Variants in FHL5 observed in about 807,000 individuals in gnomAD.
FHL5 encodes the protein four and a half LIM domains 5.
Under a neutral mutation model 32.0 loss-of-function variants are expected in FHL5, and 33 were observed. The ratio of observed to expected loss-of-function variants is 1.03; its 90% CI spans 0.78 to 1.38. The LOEUF is 1.38. FHL5 is among the 40% of genes most tolerant of loss of function. The pLI is 0.00. For missense variants in FHL5, 336 were observed against 343.9 expected, an observed-to-expected ratio of 0.98 and a Z score of 0.18; for synonymous variants, 114 against 113.6, an observed-to-expected ratio of 1.00 and a Z score of -0.02.
At position 96,610,902 on chromosome 6, in the gene FHL5, T is replaced by A. The variant is rs191924725; in HGVS notation, c.691+144T>A. ...TGAGATAAACACAAGTGGGTGCATA[T>A]ATATGAGTATAAATATTACATGGAT... is the stretch of plus-strand genomic sequence containing the variant. On this transcript the variant is annotated intron_variant, in intron 5 of 5. Coordinates refer to ENST00000450218, the MANE Select transcript of FHL5 (RefSeq NM_001322466.2). 26 of 614,074 alleles carry A rather than the reference T, an allele frequency of 4.2e-5. No individual in the cohort carries two copies. In the East Asian group the frequency reaches 6.2e-4, roughly 15 times the overall value. The allele number at this position is 614,074 out of a possible 1,614,324, so 38.0% of individuals were successfully genotyped here. A position where few individuals can be genotyped will look rare whatever the true frequency, so the allele number is the denominator to read the frequency against.
At chr6:96,587,780 T>C (rs9386648) in intron 1 of FHL5, among the ~76,000 whole-genome samples, 23,833 of 152,244 alleles carry the variant, frequency 0.16, 2,048 homozygotes, top group Middle Eastern at 0.26. Flanking sequence ...TATTCATAAT[T>C]CCTAATAATA....
intron 1 of FHL5, among the ~76,000 whole-genome samples, chr6:96,600,741 T>C (rs957942180): frequency 3.3e-5 from 5 of 152,198 alleles, no homozygotes; most frequent in African/African-American, 9.6e-5. Flanking sequence ...AATTTCTTAG[T>C]GTATTTTTTC....
chr6:96,597,727 G>T (rs530970014), intron 1 of FHL5, among the ~76,000 whole-genome samples: 2 of 152,202 alleles, frequency 1.3e-5, no homozygotes, highest in South Asian at 4.2e-4. Context: ...ATATACAAGT[G>T]TTCACATATA....
chr6:96,564,879 G>A (rs114178283), intron 1 of FHL5, among the ~76,000 whole-genome samples: 242 of 152,142 alleles, frequency 1.6e-3, no homozygotes, highest in Middle Eastern at 0.014. Flanking sequence ...GCTCATTGAA[G>A]GAGAGGAAGA....
At chr6:96,586,655 C>G (rs888308526) in intron 1 of FHL5, among the ~76,000 whole-genome samples, 2 of 152,150 alleles carry the variant, frequency 1.3e-5, no homozygotes, top group Non-Finnish European at 2.9e-5. Flanking sequence ...ATGAAGCCTG[C>G]AGCAGCAAAC....
chr6:96,603,186 C>G (rs971898949), intron 1 of FHL5, among the ~76,000 whole-genome samples: 13 of 152,166 alleles, frequency 8.5e-5, no homozygotes, highest in African/African-American at 2.9e-4. Context: ...TTATTTCCAT[C>G]AAAATCTGCC....
At chr6:96,580,609 G>A (rs1340290808) in intron 1 of FHL5, among the ~76,000 whole-genome samples, 1 of 152,090 alleles carries the variant, frequency 6.6e-6, no homozygotes, top group African/African-American at 2.4e-5. Context: ...TTATCACTAT[G>A]TTTTATGCAT....
intron 1 of FHL5, among the ~76,000 whole-genome samples, chr6:96,598,530 C>T (rs1267325171): frequency 6.6e-6 from 1 of 152,192 alleles, no homozygotes; most frequent in Non-Finnish European, 1.5e-5. Context: ...AAGTAATTGT[C>T]CTTCCTCCTT....
At position 96,604,879 on chromosome 6, in the gene FHL5, G is replaced by C; in HGVS notation, c.289G>C (p.Glu97Gln). The change falls in exon 3 of 6, where the codon GAG becomes CAG. Residue 97 changes from glutamate to glutamine, a missense_variant. Physicochemically the swap from Glu to Gln is conservative, Grantham distance 29. Transcript: ENST00000450218. ...RLLCTECYSNECSSKCFHCKR... is the reference protein window; with the variant it reads ...RLLCTECYSNQCSSKCFHCKR... ...GCTGTGCACGGAGTGCTATTCTAAC[G>C]AGTGCTCCTCCAAGTGCTTCCACTG... The C allele has an allele frequency of 1.7e-5, 27 of 1,612,858 alleles. No homozygotes were observed. The highest frequency in any genetic ancestry group is 2.3e-5 in the Non-Finnish European group (27 of 1,179,388).
intron 1 of FHL5, among the ~76,000 whole-genome samples, chr6:96,601,190 C>G (rs1771141163): frequency 6.6e-6 from 1 of 152,030 alleles, no homozygotes; most frequent in South Asian, 2.1e-4. Context: ...AAAAATTAGC[C>G]AGGCACGGTG....
chr6:96,611,686 T>C (rs950402020), intron 5 of FHL5, among the ~76,000 whole-genome samples: 64 of 152,224 alleles, frequency 4.2e-4, no homozygotes, highest in African/African-American at 1.5e-3. Context: ...CTTCTTCATC[T>C]TCAAATATGT....
chr6:96,584,443 G>GTGTT, intron 1 of FHL5, among the ~76,000 whole-genome samples: 1 of 147,286 alleles, frequency 6.8e-6, no homozygotes, highest in African/African-American at 2.6e-5. Flanking sequence ...ATATGTGTGT[G>GTGTT]TGTGTGTGTG....
rs1416446532 is a variant in FHL5 at position 96,602,433 on chromosome 6, T to C, written c.-12-1169T>C. On this transcript the variant is annotated intron_variant, in intron 1 of 5. Coordinates refer to ENST00000450218, the MANE Select transcript of FHL5 (RefSeq NM_001322466.2). ...AATCTATATGCGTTGTTTCTTTTTT[T>C]TTTTTTTTTTTTTTTTTTTTTTTTT... Among the ~76,000 whole-genome samples, 101 of 63,588 alleles carry C rather than the reference T, an allele frequency of 1.6e-3. 1 individual carries two copies. Among genetic ancestry groups the C allele is most frequent in the African/African-American group, 5.9e-3 (85 of 14,296 alleles). The allele number at this position is 63,588 out of a possible 152,430, so 41.7% of individuals were successfully genotyped here.
chr6:96,581,417 C>G (rs1770694234), intron 1 of FHL5, among the ~76,000 whole-genome samples: 1 of 152,052 alleles, frequency 6.6e-6, no homozygotes, highest in Admixed American at 6.6e-5. Context: ...TCTGATAAAA[C>G]ACACACTTCC....
intron 1 of FHL5, among the ~76,000 whole-genome samples, chr6:96,567,914 T>C (rs901247100): frequency 2.6e-5 from 4 of 150,998 alleles, no homozygotes; most frequent in African/African-American, 9.7e-5. Context: ...ATTTTCTATA[T>C]AGAAGCTCTT....
chr6:96,598,783 C>T lies in FHL5; in HGVS notation c.-12-4819C>T, dbSNP rs1014624534. ...TTTAGTGATTTATGAAATGTCCTTA[C>T]TCTTCCTGCTAGATCATAAGCTCTC... is the stretch of plus-strand genomic sequence containing the variant. On this transcript the variant is annotated intron_variant, in intron 1 of 5. Transcript: ENST00000450218. 3.3e-5 allele frequency among the ~76,000 whole-genome samples: 5 copies of T among 152,188 alleles called. No individual in the cohort carries two copies. The South Asian group carries it at 8.3e-4, about 25-fold the overall frequency.
chr6:96,591,381 A>G (rs896590429), intron 1 of FHL5, among the ~76,000 whole-genome samples: 1 of 152,160 alleles, frequency 6.6e-6, no homozygotes, highest in Non-Finnish European at 1.5e-5. Context: ...AGATTTACAT[A>G]GATTCATCTA....
chr6:96,598,280 C>T (rs1295543664), intron 1 of FHL5, among the ~76,000 whole-genome samples: 2 of 152,188 alleles, frequency 1.3e-5, no homozygotes, highest in Non-Finnish European at 2.9e-5. Flanking sequence ...CCATCAACAG[C>T]AGCAGGAACA....
At chr6:96,597,255 A>T in intron 1 of FHL5, among the ~76,000 whole-genome samples, 1 of 151,704 alleles carries the variant, frequency 6.6e-6, no homozygotes, top group East Asian at 1.9e-4. Flanking sequence ...CATTATATAT[A>T]ATTACTTGTT....
Sources: gnomAD v4.1 joint callset for allele counts (sites outside exome capture counted in the v4.1 genomes callset) on GRCh38, gnomAD v4.1.1 for gene constraint, MANE v1.5 for transcripts, NCBI Gene and HGNC (gene_info 2026-07-23, HGNC 2026-07-21) for gene names.